The following UGT2B7 variants were observed in gnomAD, a reference collection of about 807,000 sequenced individuals.
UGT2B7 encodes the protein UDP glucuronosyltransferase family 2 member B7.
UGT2B7 carries 51 observed loss-of-function variants against 51.9 expected under a neutral mutation model. That is an observed-to-expected ratio of 0.98 (90% confidence interval 0.78 to 1.24). The LOEUF (loss-of-function observed/expected upper bound fraction) is 1.24. Ranked by LOEUF, UGT2B7 falls within the 50% of genes most tolerant of loss-of-function variation. UGT2B7 has a pLI of 0.00. For synonymous variants in UGT2B7, 225 were observed against 211.6 expected (o/e 1.06, Z -0.55); for missense variants, 727 against 628.4 (o/e 1.16, Z -1.68).
Position 69,098,561 on chromosome 4 carries a change from A to C in UGT2B7, c.743A>C (p.Glu248Ala). The stretch of plus-strand genomic sequence containing the variant: ...TCAGGAAGACCCACTACATTATCTG[A>C]GACAATGGGGAAAGCTGACGTATGG... ...EVLGRPTTLSETMGKADVWLI... is the reference protein window; with the variant it reads ...EVLGRPTTLSATMGKADVWLI... Residue 248 changes from glutamate (E) to alanine (A), a missense_variant, in exon 2 of 6, where the codon GAG becomes GCG. By Grantham distance (107) the Glu-to-Ala change is moderately radical. Coordinates refer to ENST00000305231, the MANE Select transcript of UGT2B7 (RefSeq NM_001074.4). 6.2e-7 allele frequency: 1 copy of C among 1,608,906 alleles called. No homozygotes were observed. Among genetic ancestry groups the C allele is most frequent in the Non-Finnish European group, 8.5e-7 (1 of 1,178,276 alleles).
At chr4:69,100,396 T>C (rs1560509832) in intron 2 of UGT2B7, among the ~76,000 whole-genome samples, 1 of 152,092 alleles carries the variant, frequency 6.6e-6, no homozygotes, top group African/African-American at 2.4e-5. Flanking sequence ...TTAAGACATA[T>C]GTACAAAGCA....
At chr4:69,068,349 T>G (rs960650122) in intron 1 of UGT2B7, among the ~76,000 whole-genome samples, 2 of 152,056 alleles carry the variant, frequency 1.3e-5, no homozygotes, top group African/African-American at 4.8e-5. Context: ...ATTTATTTGT[T>G]CTTACAGTGG....
intron 3 of UGT2B7, 141 bp downstream of exon 3, chr4:69,103,079 C>A: frequency 1.4e-6 from 2 of 1,439,746 alleles, no homozygotes; most frequent in South Asian, 1.5e-5. Context: ...CTTGGAGAAA[C>A]TATGAGAAGT....
intron 1 of UGT2B7, among the ~76,000 whole-genome samples, chr4:69,059,815 G>A (rs550235493): frequency 6.6e-6 from 1 of 152,358 alleles, no homozygotes; most frequent in South Asian, 2.1e-4. Flanking sequence ...CAGAATTTGT[G>A]TGTGGAAAAC....
chr4:69,055,360 G>C (rs958327992), intron 1 of UGT2B7, among the ~76,000 whole-genome samples: 2 of 147,998 alleles, frequency 1.4e-5, no homozygotes, highest in African/African-American at 2.5e-5. Flanking sequence ...AAAAAAAAAG[G>C]TCAGCCCCTC....
chr4:69,080,526 C>T (rs1043388837), intron 1 of UGT2B7, among the ~76,000 whole-genome samples: 2 of 137,940 alleles, frequency 1.4e-5, no homozygotes. Flanking sequence ...CTGGCCTGGG[C>T]AACAGAGCAA....
At chr4:69,060,127 T>A (rs553123946) in intron 1 of UGT2B7, among the ~76,000 whole-genome samples, 4 of 152,190 alleles carry the variant, frequency 2.6e-5, no homozygotes, top group Non-Finnish European at 5.9e-5. Flanking sequence ...ATTGATGATC[T>A]TCTTCTAGCA....
At chr4:69,055,287 A>G (rs1396184872) in intron 1 of UGT2B7, among the ~76,000 whole-genome samples, 1 of 150,920 alleles carries the variant, frequency 6.6e-6, no homozygotes, top group Non-Finnish European at 1.5e-5. Context: ...ATGTGTTAAT[A>G]CTGGTCTTGT....
At chr4:69,074,570 G>A (rs1000961975) in intron 1 of UGT2B7, among the ~76,000 whole-genome samples, 4 of 151,766 alleles carry the variant, frequency 2.6e-5, no homozygotes, top group Non-Finnish European at 5.9e-5. Flanking sequence ...TTCAACATGT[G>A]TTGATTTCTG....
chr4:69,065,463 G>A (rs1273121686), intron 1 of UGT2B7, among the ~76,000 whole-genome samples: 5 of 152,104 alleles, frequency 3.3e-5, no homozygotes, highest in Non-Finnish European at 5.9e-5. Flanking sequence ...AATTTTGGAA[G>A]TTTTTCAACA....
chr4:69,100,942 T>C (rs1719400901), intron 2 of UGT2B7, among the ~76,000 whole-genome samples: 1 of 152,118 alleles, frequency 6.6e-6, no homozygotes, highest in Admixed American at 6.6e-5. Flanking sequence ...TATAATATGT[T>C]CACGTGAAAT....
At chr4:69,103,445 G>A (rs1283806369) in intron 3 of UGT2B7, among the ~76,000 whole-genome samples, 1 of 152,108 alleles carries the variant, frequency 6.6e-6, no homozygotes, top group African/African-American at 2.4e-5. Flanking sequence ...TACTCCATAT[G>A]TATTCACAAA....
At chr4:69,062,896 T>C (rs915962660) in intron 1 of UGT2B7, among the ~76,000 whole-genome samples, 1 of 152,188 alleles carries the variant, frequency 6.6e-6, no homozygotes, top group Non-Finnish European at 1.5e-5. Flanking sequence ...TGCTATTGTT[T>C]AACCAACCCC....
intron 3 of UGT2B7, among the ~76,000 whole-genome samples, chr4:69,105,191 G>A (rs1719557452): frequency 6.6e-6 from 1 of 152,080 alleles, no homozygotes; most frequent in South Asian, 2.1e-4. Flanking sequence ...GAAGCAGAAG[G>A]AAATATAGAA....
chr4:69,105,122 A>G (rs1476672369), intron 3 of UGT2B7, among the ~76,000 whole-genome samples: 2 of 152,154 alleles, frequency 1.3e-5, no homozygotes, highest in Non-Finnish European at 2.9e-5. Context: ...CCTGTGCAGT[A>G]TAAAATGTGG....
intron 1 of UGT2B7, among the ~76,000 whole-genome samples, chr4:69,081,122 A>T (rs563793469): frequency 6.6e-6 from 1 of 152,296 alleles, no homozygotes; most frequent in South Asian, 2.1e-4. Flanking sequence ...AATTGCAGAA[A>T]GATTGTAATT....
At chr4:69,092,561 A>G (rs1384754356), upstream of UGT2B7, among the ~76,000 whole-genome samples, 1 of 150,690 alleles carries the variant, frequency 6.6e-6, no homozygotes, top group African/African-American at 2.5e-5. Context: ...GGACAGAGTG[A>G]CCTTTCTGGA....
chr4:69,093,490 T>C (rs1006589700), upstream of UGT2B7, among the ~76,000 whole-genome samples: 1 of 152,190 alleles, frequency 6.6e-6, no homozygotes, highest in Admixed American at 6.5e-5. Flanking sequence ...CTCAGCCCCC[T>C]GAATTCAGCC....
At chr4:69,053,542 C>T (rs1362671635) in intron 1 of UGT2B7, among the ~76,000 whole-genome samples, 3 of 152,214 alleles carry the variant, frequency 2.0e-5, no homozygotes, top group African/African-American at 7.2e-5. Flanking sequence ...CAGGCGTAGG[C>T]TGCATGGTAA....
Sources: allele counts gnomAD v4.1 joint callset (sites outside exome capture counted in the v4.1 genomes callset), GRCh38; gene constraint gnomAD v4.1.1; transcripts MANE v1.5; gene names NCBI Gene and HGNC (gene_info 2026-07-23, HGNC 2026-07-21).